Variants in PABPC1 observed in about 807,000 individuals in gnomAD.
PABPC1 encodes polyadenylate-binding protein 1.
A neutral mutation model predicts 74.0 loss-of-function variants in PABPC1; 4 were observed. The ratio of observed to expected loss-of-function variants is 0.05; its 90% CI spans 0.03 to 0.12. The LOEUF is 0.12. Among genes scored for constraint, PABPC1 ranks in the 10% least tolerant of loss-of-function variants. The pLI is 1.00. For synonymous variants in PABPC1, 227 were observed against 264.1 expected (o/e 0.86, Z 1.36); for missense variants, 271 against 821.1 (o/e 0.33, Z 8.19).
chr8:100,710,589 T>A (rs1256577372), intron 7 of PABPC1, among the ~76,000 whole-genome samples: 1 of 152,234 alleles, frequency 6.6e-6, no homozygotes, highest in Non-Finnish European at 1.5e-5. Flanking sequence ...AGATTCTGAA[T>A]CTGAACATAG....
In PABPC1 at chr8:100,704,144, T is replaced by C. The variant is rs1325230931; in HGVS notation, c.*1+153A>G. ...GGGTAAAATTCCTTTAATTCCTCTATAGTTAGTTCCACTTTTCCTTGAAAA... is the reference window on the plus strand; with the variant it reads ...GGGTAAAATTCCTTTAATTCCTCTACAGTTAGTTCCACTTTTCCTTGAAAA... On this transcript the variant is annotated intron_variant, in intron 14 of 14. Transcript: ENST00000318607. 19 of 640,906 alleles carry C rather than the reference T, an allele frequency of 3.0e-5. No individual in the cohort carries two copies. In the East Asian group the frequency reaches 4.8e-4, roughly 16 times the overall value. 39.7% of individuals were successfully genotyped at this position (640,906 alleles called of 1,614,324 possible). A position where few individuals can be genotyped will look rare whatever the true frequency, so the allele number is the denominator to read the frequency against.
At chr8:100,714,262 T>G (rs3133526) in intron 4 of PABPC1, among the ~76,000 whole-genome samples, 2 of 152,204 alleles carry the variant, frequency 1.3e-5, no homozygotes, top group African/African-American at 4.8e-5. Flanking sequence ...CTTCTAATTA[T>G]AAGACATTAA....
At chr8:100,711,193 T>A (rs1487984598) in intron 7 of PABPC1, among the ~76,000 whole-genome samples, 1 of 151,868 alleles carries the variant, frequency 6.6e-6, no homozygotes, top group Admixed American at 6.6e-5. Flanking sequence ...GGCAGGAGAA[T>A]CGCTTGAACC....
chr8:100,709,223 T>C lies in PABPC1; in HGVS notation c.1246A>G (p.Thr416Ala), dbSNP rs754574528. ...GGATAGTATGCAGCACGGTTCTGAG[T>C]CTGCAGGGAAAAAAAGCACATGAGT... ...SGYFMAAIPQ[T>A]QNRAAYYPPS... The change falls in exon 9 of 15, where the codon ACT becomes GCT. Residue 416 changes from threonine to alanine, a missense_variant and splice_region_variant. Thr to Ala is a moderately conservative substitution (Grantham distance 58, BLOSUM62 0). Transcript: ENST00000318607. 7 of 1,581,066 alleles carry C rather than the reference T, an allele frequency of 4.4e-6. No individual in the cohort carries two copies. The Middle Eastern group carries it at 7.0e-4, about 157-fold the overall frequency.
Position 100,721,737 on chromosome 8 carries a change from C to G in PABPC1, c.-154G>C. On this transcript the variant is annotated 5_prime_UTR_variant, in exon 1 of 15. Transcript: ENST00000318607. The surrounding 1 kb of genome is among the most constrained non-coding windows in gnomAD (Gnocchi z 7.4). ...CCGGAATTGAAAACTACTCAACGGC[C>G]GCAGAACGGGGTCGATCCACTGCCG... is the stretch of plus-strand genomic sequence containing the variant. 1.6e-6 allele frequency: 1 copy of G among 626,478 alleles called. No individual in the cohort carries two copies. 38.8% of individuals were successfully genotyped at this position (626,478 alleles called of 1,614,324 possible).
intron 4 of PABPC1, 29 bp downstream of exon 4, chr8:100,715,433 T>G: frequency 6.4e-7 from 1 of 1,560,302 alleles, no homozygotes; most frequent in East Asian, 2.3e-5. Flanking sequence ...CAGAGCTTTG[T>G]GTGTAAAAAT....
At position 100,720,702 on chromosome 8, in the gene PABPC1, G is replaced by A. The variant is rs566967898; in HGVS notation, c.193+689C>T. ...CCTCCTCCCACTCTGCCCTTTTAAT[G>A]TTAGAGAAATGCTTGATCTAGGGGA... On this transcript the variant is annotated intron_variant, in intron 1 of 14. Coordinates refer to ENST00000318607, the MANE Select transcript of PABPC1 (RefSeq NM_002568.4). Among the ~76,000 whole-genome samples the A allele has an allele frequency of 2.6e-5, 4 of 152,286 alleles. No individual in the cohort carries two copies. In the South Asian group the frequency reaches 6.2e-4, roughly 24 times the overall value.
At chr8:100,718,042 G>T in intron 2 of PABPC1, 45 bp downstream of exon 2, 1 of 1,533,292 alleles carries the variant, frequency 6.5e-7, no homozygotes, top group Non-Finnish European at 9.0e-7. Context: ...TAAACTAAAT[G>T]TAGCTCAACA....
chr8:100,703,697 A>G (rs1810304749), intron 14 of PABPC1, among the ~76,000 whole-genome samples: 1 of 152,158 alleles, frequency 6.6e-6, no homozygotes, highest in South Asian at 2.1e-4. Flanking sequence ...CACCACCCAA[A>G]AAGGAAAGGT....
intron 3 of PABPC1, among the ~76,000 whole-genome samples, chr8:100,715,940 TTCA>T (rs1369908232): frequency 6.6e-6 from 1 of 152,254 alleles, no homozygotes; most frequent in Non-Finnish European, 1.5e-5. Context: ...TTAAAAAGCT[TTCA>T]TCGTCATTTT....
chr8:100,720,310 A>G (rs1370586680), intron 1 of PABPC1, among the ~76,000 whole-genome samples: 2 of 152,322 alleles, frequency 1.3e-5, no homozygotes, highest in East Asian at 1.9e-4. Flanking sequence ...GCTTCAAAAT[A>G]AAAGCACAAA....
At position 100,721,332 on chromosome 8, in the gene PABPC1, C is replaced by CGCCGCCCGAGCCTCATG; in HGVS notation, c.193+42_193+58dup. ...CCCGCCGGCCTACCCCGCCCGCCGC[C>CGCCGCCCGAGCCTCATG]GCCGCCCGAGCCTCATGGCCGCCCG... On this transcript the variant is annotated intron_variant, in intron 1 of 14. Coordinates refer to ENST00000318607, the MANE Select transcript of PABPC1 (RefSeq NM_002568.4). The surrounding 1 kb of genome is among the most constrained non-coding windows in gnomAD (Gnocchi z 7.4). 9.6e-6 allele frequency: 10 copies of CGCCGCCCGAGCCTCATG among 1,043,118 alleles called. No homozygotes were observed. Among genetic ancestry groups the CGCCGCCCGAGCCTCATG allele is most frequent in the Non-Finnish European group, 1.2e-5 (10 of 831,402 alleles). The allele number at this position is 1,043,118 out of a possible 1,614,324, so 64.6% of individuals were successfully genotyped here.
intron 1 of PABPC1, among the ~76,000 whole-genome samples, chr8:100,720,036 T>G (rs1002111297): frequency 6.6e-6 from 1 of 152,252 alleles, no homozygotes; most frequent in Non-Finnish European, 1.5e-5. Flanking sequence ...AGCTGATCAG[T>G]AACCTAAGTT....
chr8:100,709,914 C>T, intron 7 of PABPC1, 183 bp from the exon 8 acceptor site: 1 of 637,028 alleles, frequency 1.6e-6, no homozygotes, highest in South Asian at 2.1e-5. Flanking sequence ...TAAGGGCAAA[C>T]TACACATATG....
rs1587175548 is a variant in PABPC1 at position 100,721,964 on chromosome 8, A to G, written c.-381T>C. The stretch of plus-strand genomic sequence containing the variant: ...GGCGGGGGAGACGCGGATTTTTTGT[A>G]AATTTTTTTGGGGTTTTTTAAAAGA... On this transcript the variant is annotated 5_prime_UTR_variant, in exon 1 of 15. Coordinates refer to ENST00000318607, the MANE Select transcript of PABPC1 (RefSeq NM_002568.4). This position sits in a 1 kb window ranked among gnomAD's most constrained non-coding sequence, Gnocchi z 7.4. The G allele has an allele frequency of 1.1e-5, 2 of 186,666 alleles. No homozygotes were observed. The highest frequency in any genetic ancestry group is 2.6e-4 in the East Asian group (2 of 7,674). 11.6% of individuals were successfully genotyped at this position (186,666 alleles called of 1,614,324 possible).
intron 10 of PABPC1, 36 bp downstream of exon 10, chr8:100,706,851 T>C: frequency 8.6e-7 from 1 of 1,156,342 alleles, no homozygotes; most frequent in Non-Finnish European, 1.1e-6. Flanking sequence ...TCTTTCAAAT[T>C]GGTGATCAAT....
chr8:100,707,686 C>T (rs1197568525), intron 9 of PABPC1, among the ~76,000 whole-genome samples: 1 of 152,228 alleles, frequency 6.6e-6, no homozygotes, highest in East Asian at 1.9e-4. Flanking sequence ...GACGGTTAGG[C>T]CTCTGGATAA....
rs990957808 is a variant in PABPC1 at position 100,721,348 on chromosome 8, T to TGGCC, written c.193+39_193+42dup. The TGGCC allele has an allele frequency of 6.0e-5, 70 of 1,167,374 alleles. No individual in the cohort carries two copies. Among genetic ancestry groups the TGGCC allele is most frequent in the Non-Finnish European group, 7.6e-5 (68 of 894,294 alleles). 72.3% of individuals were successfully genotyped at this position (1,167,374 alleles called of 1,614,324 possible). A position where few individuals can be genotyped will look rare whatever the true frequency, so the allele number is the denominator to read the frequency against. On this transcript the variant is annotated intron_variant, in intron 1 of 14. Transcript: ENST00000318607. This position sits in a 1 kb window ranked among gnomAD's most constrained non-coding sequence, Gnocchi z 7.4. ...GCCCGCCGCCGCCGCCCGAGCCTCA[T>TGGCC]GGCCGCCCGCCCGCCCGGCCGACCG...
At chr8:100,705,792 T>C (rs553298251) in intron 11 of PABPC1, 119 bp from the exon 12 acceptor site, 43 of 695,648 alleles carry the variant, frequency 6.2e-5, no homozygotes, top group Non-Finnish European at 1.1e-4. Flanking sequence ...GGTGGAGAAG[T>C]TGAGTGAGCG....
Sources: allele counts gnomAD v4.1 joint callset (sites outside exome capture counted in the v4.1 genomes callset), GRCh38; gene constraint gnomAD v4.1.1; non-coding constraint Gnocchi (gnomAD v3.1); transcripts MANE v1.5; gene names NCBI Gene and HGNC (gene_info 2026-07-23, HGNC 2026-07-21).